ANK2: variants seen among roughly 807,000 people sequenced by gnomAD.
The protein encoded by ANK2 is ankyrin 2.
Under a neutral mutation model 360.5 loss-of-function variants are expected in ANK2, and 83 were observed. That is an observed-to-expected ratio of 0.23 (90% CI 0.19 to 0.28). The LOEUF (loss-of-function observed/expected upper bound fraction) is 0.28, where lower values mean the gene tolerates loss of function less well. Among genes scored for constraint, ANK2 ranks in the 10% least tolerant of loss-of-function variants. ANK2 has a pLI of 1.00. For synonymous variants in ANK2, 1,740 were observed against 1,759.5 expected (o/e 0.99, Z 0.28); for missense variants, 4,201 against 4,795.7 (o/e 0.88, Z 3.66).
intron 2 of ANK2, among the ~76,000 whole-genome samples, chr4:112,913,422 C>G (rs1349090574): frequency 6.6e-6 from 1 of 152,212 alleles, no homozygotes; most frequent in Non-Finnish European, 1.5e-5. Context: ...ACCTCAACCT[C>G]CTGTACACAG....
rs140744488 is a variant in ANK2, at chr4:113,235,650, A to C, written c.484-1337A>C. The stretch of plus-strand genomic sequence containing the variant: ...GGTTTTCACCATGTTGGCCAGGCTC[A>C]TGTCGAACTCCTGAACCTCAGGTGA... On this transcript the variant is annotated intron_variant, in intron 5 of 45. Transcript: ENST00000357077. Among the ~76,000 whole-genome samples, 14 of 152,152 alleles carry C rather than the reference A, an allele frequency of 9.2e-5. No individual in the cohort carries two copies. The East Asian group carries it at 2.7e-3, about 29-fold the overall frequency.
intron 1 of ANK2, among the ~76,000 whole-genome samples, chr4:113,051,362 T>G (rs1304289810): frequency 6.6e-6 from 1 of 152,142 alleles, no homozygotes; most frequent in Non-Finnish European, 1.5e-5. Flanking sequence ...ATTTTTGAGC[T>G]CTGAATGATG....
At chr4:112,891,819 G>C (rs1262879703) in intron 1 of ANK2, among the ~76,000 whole-genome samples, 1 of 152,156 alleles carries the variant, frequency 6.6e-6, no homozygotes, top group Non-Finnish European at 1.5e-5. Context: ...GCTTTGAGTG[G>C]TATCAAAAGA....
the ANK2 span, among the ~76,000 whole-genome samples, chr4:112,771,647 G>T: frequency 6.6e-6 from 1 of 151,446 alleles, no homozygotes; most frequent in East Asian, 1.9e-4. Context: ...GTGCAGTGGC[G>T]TGATCTCAGC....
chr4:113,336,429 C>T, intron 30 of ANK2, 148 bp from the exon 31 acceptor site: 1 of 800,352 alleles, frequency 1.2e-6, no homozygotes, highest in Non-Finnish European at 1.9e-6. Context: ...TAATACTGAA[C>T]TTATGATTGC....
the ANK2 span, among the ~76,000 whole-genome samples, chr4:112,778,561 T>C: frequency 4.6e-5 from 7 of 152,184 alleles, no homozygotes; most frequent in Non-Finnish European, 1.0e-4. Context: ...TTGGGGAGAC[T>C]GGGATAGAAG....
At chr4:113,304,119 G>A (rs2076189840) in intron 23 of ANK2, among the ~76,000 whole-genome samples, 2 of 152,160 alleles carry the variant, frequency 1.3e-5, no homozygotes, top group African/African-American at 4.8e-5. Flanking sequence ...GTATAATTTT[G>A]TGTTCTATCT....
chr4:113,027,409 G>A (rs1290633301), intron 2 of ANK2, among the ~76,000 whole-genome samples: 1 of 152,076 alleles, frequency 6.6e-6, no homozygotes, highest in Non-Finnish European at 1.5e-5. Flanking sequence ...AAGTTACTGT[G>A]GGGTCAGTCT....
intron 2 of ANK2, among the ~76,000 whole-genome samples, chr4:112,916,102 G>A (rs567664906): frequency 9.9e-4 from 151 of 152,208 alleles, no homozygotes; most frequent in African/African-American, 3.5e-3. Context: ...CCTAGTAAAA[G>A]TATATTTGTT....
intron 4 of ANK2, among the ~76,000 whole-genome samples, chr4:113,225,699 T>C (rs993912614): frequency 2.6e-5 from 4 of 152,166 alleles, no homozygotes; most frequent in African/African-American, 9.6e-5. Flanking sequence ...GACTTATAAA[T>C]ATCAATAAAT....
At chr4:113,114,497 C>T (rs1346501942) in intron 1 of ANK2, among the ~76,000 whole-genome samples, 1 of 152,018 alleles carries the variant, frequency 6.6e-6, no homozygotes, top group Non-Finnish European at 1.5e-5. Flanking sequence ...ATAAAAAGAG[C>T]TGTCATACTT....
chr4:113,344,344 TCCATAC>T (rs2153986445), intron 34 of ANK2, among the ~76,000 whole-genome samples: 1 of 152,208 alleles, frequency 6.6e-6, no homozygotes, highest in South Asian at 2.1e-4. Flanking sequence ...GAGATACCAC[TCCATAC>T]CCATTAGGAT....
the ANK2 span, among the ~76,000 whole-genome samples, chr4:112,753,547 C>G: frequency 6.6e-6 from 1 of 152,056 alleles, no homozygotes; most frequent in African/African-American, 2.4e-5. Context: ...TAAGGCATTC[C>G]TAGTCACAGG....
At chr4:113,217,688 A>G (rs921344857) in intron 4 of ANK2, among the ~76,000 whole-genome samples, 1 of 152,096 alleles carries the variant, frequency 6.6e-6, no homozygotes, top group African/African-American at 2.4e-5. Context: ...GGTGGAGCTC[A>G]GGCGGTAATG....
intron 2 of ANK2, among the ~76,000 whole-genome samples, chr4:112,917,932 A>G (rs933353279): frequency 3.3e-5 from 5 of 152,174 alleles, no homozygotes; most frequent in Non-Finnish European, 2.9e-5. Flanking sequence ...TTGATTGTCA[A>G]TGGCATCAGG....
chr4:113,243,759 A>G (rs1242869373), intron 9 of ANK2, among the ~76,000 whole-genome samples: 2 of 152,208 alleles, frequency 1.3e-5, no homozygotes, highest in African/African-American at 4.8e-5. Context: ...ATCATTACTA[A>G]CATTACCAAT....
intron 1 of ANK2, among the ~76,000 whole-genome samples, chr4:113,114,311 G>A (rs761724446): frequency 6.6e-6 from 1 of 152,058 alleles, no homozygotes. Flanking sequence ...ATAAAAACAT[G>A]GTGACTCTGC....
At chr4:112,720,347 T>C in the ANK2 span, among the ~76,000 whole-genome samples, 1 of 152,210 alleles carries the variant, frequency 6.6e-6, no homozygotes, top group African/African-American at 2.4e-5. Flanking sequence ...TCTATAAAAG[T>C]CTCACTATTT....
chr4:113,139,526 A>G (rs1236359854), intron 1 of ANK2, among the ~76,000 whole-genome samples: 1 of 152,198 alleles, frequency 6.6e-6, no homozygotes, highest in Non-Finnish European at 1.5e-5. Flanking sequence ...GGGATTCTGT[A>G]CACACATATT....
Sources: allele counts gnomAD v4.1 joint callset (sites outside exome capture counted in the v4.1 genomes callset), GRCh38; gene constraint gnomAD v4.1.1; transcripts MANE v1.5; gene names NCBI Gene and HGNC (gene_info 2026-07-23, HGNC 2026-07-21).